Variants in KRIT1 observed in about 807,000 individuals in gnomAD.
KRIT1 encodes the protein KRIT1 ankyrin repeat containing, also known as krev interaction trapped protein 1.
In KRIT1, 45 loss-of-function variants were observed where a neutral mutation model predicts 95.8. The observed-to-expected ratio is 0.47, with a 90% CI of 0.37 to 0.60. The LOEUF is 0.60. Among genes scored for constraint, KRIT1 ranks in the 20% least tolerant of loss-of-function variants. The pLI, the probability that KRIT1 is intolerant of heterozygous loss-of-function variation, is 0.00. For missense variants in KRIT1, 788 were observed against 877.5 expected (o/e 0.90, Z 1.29); for synonymous variants, 282 against 278.8 (o/e 1.01, Z -0.11).
chr7:92,227,537 T>C (rs886382328), intron 10 of KRIT1, among the ~76,000 whole-genome samples: 3 of 152,084 alleles, frequency 2.0e-5, no homozygotes, highest in African/African-American at 7.2e-5. Flanking sequence ...CAATTTGAAT[T>C]GAATGTTACT....
chr7:92,240,086 T>C (rs973433654), intron 5 of KRIT1, among the ~76,000 whole-genome samples: 6 of 152,096 alleles, frequency 3.9e-5, no homozygotes, highest in South Asian at 4.1e-4. Flanking sequence ...TCAGGCTCTA[T>C]TAGGGGAAGA....
intron 10 of KRIT1, among the ~76,000 whole-genome samples, chr7:92,233,255 GA>G (rs1797707211): frequency 6.6e-6 from 1 of 151,090 alleles, no homozygotes; most frequent in Admixed American, 6.6e-5. Context: ...TAAATCAAAA[GA>G]ATTTCGAGTT....
In KRIT1 at chr7:92,242,035, T is replaced by G. The variant is rs1159285806; in HGVS notation, c.101A>C (p.Glu34Ala). Reference sequence around the variant, plus strand: ...TAAATTATTATTAAATGTTCTTACTTCATATGACTTAGCTCTGTATTCCCG... The same window carrying G: ...TAAATTATTATTAAATGTTCTTACTGCATATGACTTAGCTCTGTATTCCCG... The part of the protein sequence containing the change: ...NSREYRAKSY[E>A]ILLHEVPIEG... Residue 34 changes from glutamate (E) to alanine (A), a missense_variant and splice_region_variant, in exon 4 of 19, where the codon GAA (glutamate) becomes GCA (alanine). By Grantham distance (107) the Glu-to-Ala change is moderately radical. Around this residue, in one of 3 missense-constraint regions of KRIT1, gnomAD observed 289 missense variants for 277.5 expected, o/e 1.04. Coordinates refer to ENST00000394505, the MANE Select transcript of KRIT1 (RefSeq NM_194454.3). 7.0e-7 allele frequency: 1 copy of G among 1,425,976 alleles called. No homozygotes were observed. Among genetic ancestry groups the G allele is most frequent in the Non-Finnish European group, 9.9e-7 (1 of 1,009,370 alleles). The allele number at this position is 1,425,976 out of a possible 1,614,324, so 88.3% of individuals were successfully genotyped here.
chr7:92,232,259 A>G (rs1797455432), intron 10 of KRIT1, among the ~76,000 whole-genome samples: 1 of 152,042 alleles, frequency 6.6e-6, no homozygotes, highest in Admixed American at 6.6e-5. Flanking sequence ...AGATTTATTG[A>G]GTGCTCATTA....
intron 17 of KRIT1, chr7:92,205,790 T>C (rs1337589407): frequency 6.6e-6 from 1 of 152,184 alleles, no homozygotes; most frequent in East Asian, 1.9e-4. Context: ...CTTCCTATTA[T>C]AAACTAAAAA....
At chr7:92,219,420 T>G (rs1005551390) in intron 14 of KRIT1, among the ~76,000 whole-genome samples, 1 of 152,246 alleles carries the variant, frequency 6.6e-6, no homozygotes, top group African/African-American at 2.4e-5. Flanking sequence ...TAGATGAACC[T>G]GGTAGCCTTG....
intron 10 of KRIT1, among the ~76,000 whole-genome samples, chr7:92,232,870 T>C (rs986996887): frequency 4.6e-5 from 7 of 152,242 alleles, no homozygotes; most frequent in African/African-American, 7.2e-5. Flanking sequence ...ATTTTTTGTA[T>C]ATTTAATAGA....
intron 6 of KRIT1, 124 bp downstream of exon 6, chr7:92,237,543 T>C: frequency 4.4e-6 from 2 of 449,874 alleles, no homozygotes; most frequent in Non-Finnish European, 8.0e-6. Flanking sequence ...CTTCTATTAA[T>C]TTTAAAATAT....
chr7:92,227,205 C>G (rs1796372888), intron 10 of KRIT1, among the ~76,000 whole-genome samples: 1 of 152,164 alleles, frequency 6.6e-6, no homozygotes, highest in Admixed American at 6.5e-5. Flanking sequence ...TGAGGCAAAA[C>G]ATAAACATGG....
chr7:92,232,175 T>C (rs1289146378), intron 10 of KRIT1, among the ~76,000 whole-genome samples: 1 of 152,178 alleles, frequency 6.6e-6, no homozygotes, highest in Non-Finnish European at 1.5e-5. Context: ...TCATCTGCCC[T>C]TCTTGGCCTT....
Position 92,214,794 on chromosome 7 carries a change from T to A in KRIT1, c.1564-17A>T. The A allele has an allele frequency of 6.5e-7, 1 of 1,542,974 alleles. No individual in the cohort carries two copies. On this transcript the variant is annotated splice_polypyrimidine_tract_variant and intron_variant, in intron 14 of 18. Coordinates refer to ENST00000394505, the MANE Select transcript of KRIT1 (RefSeq NM_194454.3). ...GTCTTCAATCTTAAAGGAAAAAGTA[T>A]AATTTGGTTATTAGGCTACAATTTC...
chr7:92,227,573 T>C (rs1204294854), intron 10 of KRIT1, among the ~76,000 whole-genome samples: 2 of 152,040 alleles, frequency 1.3e-5, no homozygotes, highest in African/African-American at 2.4e-5. Context: ...TCTCACTCTA[T>C]GCCCAGGCTG....
chr7:92,228,270 A>G (rs1257238903), intron 10 of KRIT1, among the ~76,000 whole-genome samples: 2 of 152,254 alleles, frequency 1.3e-5, no homozygotes, highest in African/African-American at 4.8e-5. Flanking sequence ...GCATACGCAC[A>G]CAGTGAGTCA....
chr7:92,221,450 G>A (rs1795123338), intron 14 of KRIT1, among the ~76,000 whole-genome samples: 1 of 151,990 alleles, frequency 6.6e-6, no homozygotes. Context: ...AAAAAGATGA[G>A]CCACTTATGG....
At chr7:92,238,161 A>T (rs1370030531) in intron 5 of KRIT1, among the ~76,000 whole-genome samples, 1 of 152,216 alleles carries the variant, frequency 6.6e-6, no homozygotes, top group Non-Finnish European at 1.5e-5. Flanking sequence ...GTGGCTCTTC[A>T]TTTAATATTT....
intron 6 of KRIT1, among the ~76,000 whole-genome samples, chr7:92,236,869 TG>T: frequency 6.6e-6 from 1 of 152,172 alleles, no homozygotes; most frequent in East Asian, 1.9e-4. Context: ...AAAATATATC[TG>T]GAATGCTACA....
Position 92,213,295 on chromosome 7 carries a change from C to A in KRIT1, c.1925G>T (p.Gly642Val). ...IPTYGAAFFTGQIFTKASPSN... is the reference protein window; with the variant it reads ...IPTYGAAFFTVQIFTKASPSN... The stretch of plus-strand genomic sequence containing the variant: ...GGGGCTTGCCTTTGTAAATATCTGT[C>A]CTGTGAAAAATGCTGCTCCATAAGT... The change falls in exon 17 of 19, where the codon GGA becomes GTA. Residue 642 changes from glycine (G) to valine (V), a missense_variant. Transcript: ENST00000394505. The A allele has an allele frequency of 6.2e-7, 1 of 1,613,304 alleles. No individual in the cohort carries two copies.
At chr7:92,205,793 A>G (rs1219769021) in intron 17 of KRIT1, 1 of 152,214 alleles carries the variant, frequency 6.6e-6, no homozygotes, top group East Asian at 1.9e-4. Flanking sequence ...CCTATTATAA[A>G]CTAAAAAGCT....
In KRIT1 at chr7:92,234,430, G is replaced by T. The variant is rs925936067; in HGVS notation, c.989+19C>A. On this transcript the variant is annotated intron_variant, in intron 10 of 18. Coordinates refer to ENST00000394505, the MANE Select transcript of KRIT1 (RefSeq NM_194454.3). ...AAATGTATTCTTTCTAAAAAGAAAA[G>T]AATAAATATTCCATTTACCAGCATG... 4 of 1,552,586 alleles carry T rather than the reference G, an allele frequency of 2.6e-6. No individual in the cohort carries two copies. In the East Asian group the frequency reaches 6.7e-5, roughly 26 times the overall value.
Sources: gnomAD v4.1 joint callset for allele counts (sites outside exome capture counted in the v4.1 genomes callset) on GRCh38, gnomAD v4.1.1 for gene constraint, gnomAD v4.1.1 regional missense constraint, MANE v1.5 for transcripts, NCBI Gene and HGNC (gene_info 2026-07-23, HGNC 2026-07-21) for gene names.